The following BBIP1 variants were observed in gnomAD, a reference collection of about 807,000 sequenced individuals.
The protein encoded by BBIP1 is BBSome interacting protein 1, also known as BBSome-interacting protein 1.
In BBIP1, 6 loss-of-function variants were observed where a neutral mutation model predicts 8.9. That is an observed-to-expected ratio of 0.67 (90% CI 0.37 to 1.33). The LOEUF (loss-of-function observed/expected upper bound fraction) is 1.33, where lower values mean the gene tolerates loss of function less well. BBIP1 is among the 40% of genes most tolerant of loss of function. The probability of loss-of-function intolerance (pLI) is 0.02; values close to 1 mark genes in which losing one functional copy is unlikely to be tolerated. For synonymous variants in BBIP1, 32 were observed against 33.4 expected (o/e 0.96, Z 0.14); for missense variants, 111 against 109.2 (o/e 1.02, Z -0.07).
At chr10:110,909,804 A>G (rs564351116) in intron 2 of BBIP1, among the ~76,000 whole-genome samples, 1 of 152,358 alleles carries the variant, frequency 6.6e-6, no homozygotes, top group East Asian at 1.9e-4. Context: ...GTGACAACAA[A>G]AGCATTACTC....
rs1437425546 is a variant in BBIP1, at chr10:110,900,348, C to T, written c.*12G>A. On this transcript the variant is annotated 3_prime_UTR_variant, in exon 4 of 4. Transcript: ENST00000448814. Reference sequence around the variant, plus strand: ...ATAAGGCAGGTTGTTCCCTAAAGTGCTCAGTTATCATTCAGTGGGTTATTT... The same window carrying T: ...ATAAGGCAGGTTGTTCCCTAAAGTGTTCAGTTATCATTCAGTGGGTTATTT... 6.5e-7 allele frequency: 1 copy of T among 1,531,174 alleles called. No homozygotes were observed. The highest frequency in any genetic ancestry group is 2.2e-4 in the Middle Eastern group (1 of 4,596). The allele number at this position is 1,531,174 out of a possible 1,614,324, so 94.8% of individuals were successfully genotyped here.
At chr10:110,911,835 G>A (rs903078855) in intron 2 of BBIP1, 2 of 152,032 alleles carry the variant, frequency 1.3e-5, no homozygotes, top group Admixed American at 6.6e-5. Context: ...GGTTTAGTAC[G>A]GTGCTTCACT....
chr10:110,900,506 T>C lies in BBIP1; in HGVS notation c.133A>G (p.Ile45Val). Reference sequence around the variant, plus strand: ...GGTTTACACAGCACCATTGTCATTATATCTTCCACAAACAGTGGCCCTAAG... The same window carrying C: ...GGTTTACACAGCACCATTGTCATTACATCTTCCACAAACAGTGGCCCTAAG... Reference protein sequence around the residue: ...PKQGPLFVEDIMTMVLCKPKL... With the variant: ...PKQGPLFVEDVMTMVLCKPKL... The change falls in exon 4 of 4, where the codon ATA becomes GTA. Residue 45 changes from isoleucine to valine, a missense_variant. Transcript: ENST00000448814. The C allele has an allele frequency of 5.2e-6, 8 of 1,532,560 alleles. No homozygotes were observed. The highest frequency in any genetic ancestry group is 7.0e-6 in the Non-Finnish European group (8 of 1,145,484). 94.9% of individuals were successfully genotyped at this position (1,532,560 alleles called of 1,614,324 possible).
chr10:110,900,663 T>C, intron 3 of BBIP1, 137 bp from the exon 4 acceptor site: 3 of 692,742 alleles, frequency 4.3e-6, no homozygotes, highest in Non-Finnish European at 6.8e-6. Flanking sequence ...TGAGTTTTGC[T>C]CTGGAACCAG....
chr10:110,901,717 T>C, intron 2 of BBIP1, 105 bp from the exon 3 acceptor site: 2 of 811,192 alleles, frequency 2.5e-6, no homozygotes, highest in Non-Finnish European at 4.1e-6. Context: ...CTATAGAAAG[T>C]GAACTACCCT....
intron 2 of BBIP1, chr10:110,910,472 C>T: frequency 6.6e-6 from 1 of 151,978 alleles, no homozygotes; most frequent in East Asian, 1.9e-4. Context: ...TTTGGAAACA[C>T]ATTCTAGACA....
At chr10:110,904,308 T>C (rs1296212248) in intron 2 of BBIP1, 1 of 152,220 alleles carries the variant, frequency 6.6e-6, no homozygotes, top group African/African-American at 2.4e-5. Flanking sequence ...ACCCAAACTT[T>C]TGCCTTTTTG....
intron 1 of BBIP1, among the ~76,000 whole-genome samples, chr10:110,918,501 T>C (rs190646721): frequency 2.6e-5 from 4 of 152,370 alleles, no homozygotes; most frequent in Admixed American, 1.3e-4. Context: ...AGTTCCCGAA[T>C]TCTCCTCCCT....
At chr10:110,900,679 T>C in intron 3 of BBIP1, 153 bp from the exon 4 acceptor site, 1 of 623,488 alleles carries the variant, frequency 1.6e-6, no homozygotes, top group Non-Finnish European at 2.6e-6. Context: ...ACCAGAAAGA[T>C]CATTGTCATT....
intron 1 of BBIP1, 41 bp downstream of exon 1, chr10:110,919,080 G>C (rs1427186541): frequency 6.5e-6 from 1 of 152,728 alleles, no homozygotes; most frequent in Non-Finnish European, 1.5e-5. Context: ...GTCTAACATG[G>C]GATGTGTGGT....
chr10:110,899,095 T>C lies in BBIP1; in HGVS notation c.*1265A>G, dbSNP rs1041503944. ...AGAGACCCAAAGCTTGACATTTACCTAATGTATGAGAAAATATTACCAATT... is the reference window on the plus strand; with the variant it reads ...AGAGACCCAAAGCTTGACATTTACCCAATGTATGAGAAAATATTACCAATT... On this transcript the variant is annotated 3_prime_UTR_variant, in exon 4 of 4. Coordinates refer to ENST00000448814, the MANE Select transcript of BBIP1 (RefSeq NM_001195305.3). The C allele has an allele frequency of 6.6e-6, 1 of 152,214 alleles. No individual in the cohort carries two copies. Among genetic ancestry groups the C allele is most frequent in the Non-Finnish European group, 1.5e-5 (1 of 68,030 alleles). 9.4% of individuals were successfully genotyped at this position (152,214 alleles called of 1,614,324 possible).
In BBIP1 at chr10:110,918,246, G is replaced by T. The variant is rs114699429; in HGVS notation, c.-56-33C>A. ...ATAATGTATGATAACTTTGTAAAGG[G>T]CCATATAAAAGCAATACAGTATTTT... On this transcript the variant is annotated intron_variant, in intron 1 of 3. Transcript: ENST00000448814. 99 of 1,158,014 alleles carry T rather than the reference G, an allele frequency of 8.5e-5. No individual in the cohort carries two copies. The African/African-American group carries it at 1.3e-3, about 16-fold the overall frequency. 71.7% of individuals were successfully genotyped at this position (1,158,014 alleles called of 1,614,324 possible).
intron 1 of BBIP1, among the ~76,000 whole-genome samples, chr10:110,918,419 A>G (rs1434069813): frequency 1.3e-5 from 2 of 152,218 alleles, no homozygotes; most frequent in Admixed American, 6.5e-5. Context: ...GGGGAAAAAG[A>G]TTGAGGTCCT....
rs542425707 is a variant in BBIP1 at position 110,908,073 on chromosome 10, C to T, written c.38-6461G>A. On this transcript the variant is annotated intron_variant, in intron 2 of 3. Coordinates refer to ENST00000448814, the MANE Select transcript of BBIP1 (RefSeq NM_001195305.3). ...TGGCATATGTAGTAAGATGCTATATCTTAAGCATATTTAAGGAAAATACCA... is the reference window on the plus strand; with the variant it reads ...TGGCATATGTAGTAAGATGCTATATTTTAAGCATATTTAAGGAAAATACCA... The T allele has an allele frequency of 1.0e-4, 27 of 262,370 alleles. No homozygotes were observed. The South Asian group carries it at 1.9e-3, about 18-fold the overall frequency. 16.3% of individuals were successfully genotyped at this position (262,370 alleles called of 1,614,324 possible).
At chr10:110,907,665 G>C in intron 2 of BBIP1, 1 of 659,800 alleles carries the variant, frequency 1.5e-6, no homozygotes, top group Non-Finnish European at 2.7e-6. Context: ...GATCTGAAAA[G>C]TGATTGTTCT....
At chr10:110,902,074 T>C in intron 2 of BBIP1, 1 of 160,782 alleles carries the variant, frequency 6.2e-6, no homozygotes, top group Non-Finnish European at 1.4e-5. Context: ...GATTCCTACT[T>C]GTCTCAACGG....
At chr10:110,905,434 C>T (rs1246676111) in intron 2 of BBIP1, among the ~76,000 whole-genome samples, 1 of 152,038 alleles carries the variant, frequency 6.6e-6, no homozygotes, top group Non-Finnish European at 1.5e-5. Flanking sequence ...TAGTGGTGGG[C>T]GCCTGTAGTC....
At chr10:110,915,173 T>C (rs143472744) in intron 2 of BBIP1, among the ~76,000 whole-genome samples, 3,023 of 152,274 alleles carry the variant, frequency 0.02, 52 homozygotes, top group Middle Eastern at 0.061. Context: ...TTTTGTTTTT[T>C]TAAGACAGGG....
Position 110,900,530 on chromosome 10 carries a change from A to G in BBIP1, c.113-4T>C. 6.6e-7 allele frequency: 1 copy of G among 1,511,236 alleles called. No individual in the cohort carries two copies. Among genetic ancestry groups the G allele is most frequent in the East Asian group, 2.5e-5 (1 of 40,062 alleles). The allele number at this position is 1,511,236 out of a possible 1,614,324, so 93.6% of individuals were successfully genotyped here. A position where few individuals can be genotyped will look rare whatever the true frequency, so the allele number is the denominator to read the frequency against. ...ATATCTTCCACAAACAGTGGCCCTA[A>G]GTTTAACAAGAAATAAGAATTAATT... On this transcript the variant is annotated splice_polypyrimidine_tract_variant and splice_region_variant and intron_variant, in intron 3 of 3. Transcript: ENST00000448814.
Sources: gnomAD v4.1 joint callset for allele counts (sites outside exome capture counted in the v4.1 genomes callset) on GRCh38, gnomAD v4.1.1 for gene constraint, MANE v1.5 for transcripts, NCBI Gene and HGNC (gene_info 2026-07-23, HGNC 2026-07-21) for gene names.